Variants in MIB1 observed in about 807,000 individuals in gnomAD.
MIB1 encodes E3 ubiquitin-protein ligase MIB1.
A neutral mutation model predicts 124.5 loss-of-function variants in MIB1; 278 were observed. That is an observed-to-expected ratio of 2.23 (90% CI 2.02 to 2.47). The LOEUF is 2.47. MIB1 is among the 30% of genes most tolerant of loss of function. The pLI is 0.00. For missense variants in MIB1, 957 were observed against 1,254.4 expected (o/e 0.76, Z 3.58); for synonymous variants, 446 against 429.4 (o/e 1.04, Z -0.48).
chr18:21,786,826 T>A (rs879371368), intron 6 of MIB1, among the ~76,000 whole-genome samples: 17 of 152,238 alleles, frequency 1.1e-4, no homozygotes, highest in Non-Finnish European at 1.8e-4. Context: ...ATTTCTCTGA[T>A]AAATTCCTGA....
At chr18:21,787,934 G>A (rs556098865) in intron 6 of MIB1, among the ~76,000 whole-genome samples, 53 of 152,074 alleles carry the variant, frequency 3.5e-4, no homozygotes, top group African/African-American at 1.3e-3. Context: ...TAAGTAAAAT[G>A]CCTGCTCCTC....
chr18:21,779,585 G>A lies in MIB1; in HGVS notation c.808G>A (p.Gly270Arg). The change falls in exon 6 of 21, where the codon GGA (glycine) becomes AGA (arginine). Residue 270 changes from glycine (G) to arginine (R), a missense_variant. Transcript: ENST00000261537. Reference sequence around the variant, plus strand: ...ACAGTCTTTGCAGCATGGTCATGGAGGATGGACTGATGGAATGTTTGAGAC... The same window carrying A: ...ACAGTCTTTGCAGCATGGTCATGGAAGATGGACTGATGGAATGTTTGAGAC... The part of the protein sequence containing the change: ...IVQSLQHGHG[G>R]WTDGMFETLT... 1.9e-6 allele frequency: 3 copies of A among 1,614,038 alleles called. No homozygotes were observed. The highest frequency in any genetic ancestry group is 2.5e-6 in the Non-Finnish European group (3 of 1,179,942).
At chr18:21,848,378 C>T (rs138706564) in intron 16 of MIB1, among the ~76,000 whole-genome samples, 12 of 148,312 alleles carry the variant, frequency 8.1e-5, no homozygotes, top group South Asian at 2.2e-4. Context: ...AACCGGGAGG[C>T]GGAGGTTGCA....
chr18:21,797,687 T>C (rs1453680646), intron 7 of MIB1, among the ~76,000 whole-genome samples: 2 of 152,218 alleles, frequency 1.3e-5, no homozygotes, highest in Non-Finnish European at 2.9e-5. Context: ...ATTAGTTTAT[T>C]TTTTTATTTT....
chr18:21,741,516 T>A lies in MIB1; in HGVS notation c.-68T>A, dbSNP rs2040850408. The stretch of plus-strand genomic sequence containing the variant: ...AGAGTCCGGCCCGGGCCCAACTCCC[T>A]CACGGGCCCCCCGGCGGCAGCGGCG... On this transcript the variant is annotated 5_prime_UTR_variant, in exon 1 of 21. Transcript: ENST00000261537. The surrounding 1 kb of genome is among the most constrained non-coding windows in gnomAD (Gnocchi z 5.4). 8.8e-7 allele frequency: 1 copy of A among 1,132,662 alleles called. No individual in the cohort carries two copies. Among genetic ancestry groups the A allele is most frequent in the Non-Finnish European group, 1.1e-6 (1 of 900,462 alleles). The allele number at this position is 1,132,662 out of a possible 1,614,324, so 70.2% of individuals were successfully genotyped here.
At chr18:21,813,040 C>A (rs1001122289) in intron 10 of MIB1, among the ~76,000 whole-genome samples, 1 of 151,824 alleles carries the variant, frequency 6.6e-6, no homozygotes, top group Non-Finnish European at 1.5e-5. Flanking sequence ...AAAAATTATT[C>A]TTATTTATTT....
intron 12 of MIB1, chr18:21,828,253 C>T (rs2041945062): frequency 1.3e-5 from 2 of 151,882 alleles, no homozygotes; most frequent in Non-Finnish European, 2.9e-5. Flanking sequence ...AAATTAATTT[C>T]TTTTAAATAT....
intron 3 of MIB1, 39 bp from the exon 4 acceptor site, chr18:21,773,585 C>A (rs1265885794): frequency 7.4e-7 from 1 of 1,352,922 alleles, no homozygotes; most frequent in Non-Finnish European, 1.0e-6. Context: ...TCTTCCCTCC[C>A]CTTTAAAAAA....
chr18:21,821,881 G>A (rs368651010), intron 12 of MIB1, among the ~76,000 whole-genome samples: 3 of 152,054 alleles, frequency 2.0e-5, no homozygotes, highest in Non-Finnish European at 4.4e-5. Flanking sequence ...GATTACAGGC[G>A]TGAGCCACCG....
At chr18:21,721,180 T>G (rs2040713960) in intron 1 of MIB1, among the ~76,000 whole-genome samples, 2 of 113,542 alleles carry the variant, frequency 1.8e-5, no homozygotes, top group African/African-American at 3.7e-5. Flanking sequence ...TTTTTTTTTT[T>G]TTTTTTTTTT....
chr18:21,807,670 G>A (rs2041723844), intron 10 of MIB1, among the ~76,000 whole-genome samples: 2 of 152,172 alleles, frequency 1.3e-5, no homozygotes, highest in Non-Finnish European at 2.9e-5. Context: ...AGCTAAGGAT[G>A]CTACTGAATG....
chr18:21,827,218 A>G (rs2041933644), intron 12 of MIB1: 1 of 152,112 alleles, frequency 6.6e-6, no homozygotes, highest in Non-Finnish European at 1.5e-5. Flanking sequence ...GTACTCAGTT[A>G]AAAATGAACA....
rs398032096 is a variant in MIB1, at chr18:21,860,098, C to CTTTTTTTTTTTTTTTTTTTTT, written c.2880+1459_2880+1479dup. Among the ~76,000 whole-genome samples, 10 of 26,460 alleles carry CTTTTTTTTTTTTTTTTTTTTT rather than the reference C, an allele frequency of 3.8e-4. 3 individuals are homozygous for CTTTTTTTTTTTTTTTTTTTTT. Among genetic ancestry groups the CTTTTTTTTTTTTTTTTTTTTT allele is most frequent in the African/African-American group, 4.9e-4 (4 of 8,210 alleles). The allele number at this position is 26,460 out of a possible 152,430, so 17.4% of individuals were successfully genotyped here. On this transcript the variant is annotated intron_variant, in intron 20 of 20. Transcript: ENST00000261537. ...GTGTTGGTTATGTTGTTCTTTATGT[C>CTTTTTTTTTTTTTTTTTTTTT]TTTTTTTTTTTTTTTTTTTTTTTTT...
intron 6 of MIB1, among the ~76,000 whole-genome samples, chr18:21,784,050 C>CTTT (rs1175848884): frequency 7.5e-6 from 1 of 132,734 alleles, no homozygotes; most frequent in African/African-American, 2.8e-5. Context: ...GCCTGTGTTG[C>CTTT]TTTTTTTTTT....
At position 21,819,501 on chromosome 18, in the gene MIB1, GA is replaced by G; in HGVS notation, c.1686del (p.Gly563ValfsTer9). The G allele has an allele frequency of 1.3e-6, 2 of 1,595,102 alleles. No homozygotes were observed. The highest frequency in any genetic ancestry group is 1.3e-5 in the African/African-American group (1 of 74,256). On this transcript the variant is annotated frameshift_variant, in exon 12 of 21. Transcript: ENST00000261537. LOFTEE classifies it high-confidence loss of function. ...AATTTCTTTAAACTTAAAGGATTCTGAAGGTGATACCCCTCTTCATGATGCA... is the reference window on the plus strand; with the variant it reads ...AATTTCTTTAAACTTAAAGGATTCTGAGGTGATACCCCTCTTCATGATGCA... ...FGCHPSLQDS[E>X]GDTPLHDAIS...
In MIB1 at chr18:21,764,217, A is replaced by G. The variant is rs1359984847; in HGVS notation, c.230-1555A>G. ...GTCCACTAGGTATCCCAGTTCTTTC[A>G]GGTGTTCGTTCCCTTCCTCCTTCCT... On this transcript the variant is annotated intron_variant, in intron 1 of 20. Transcript: ENST00000261537. 3.3e-5 allele frequency among the ~76,000 whole-genome samples: 5 copies of G among 152,008 alleles called. No individual in the cohort carries two copies. In the East Asian group the frequency reaches 9.7e-4, roughly 29 times the overall value.
intron 4 of MIB1, 120 bp downstream of exon 4, chr18:21,773,848 A>G (rs947193609): frequency 2.7e-5 from 16 of 586,826 alleles, no homozygotes; most frequent in Admixed American, 1.1e-4. Flanking sequence ...CGTTTTTACT[A>G]TGTTTCTCTA....
At chr18:21,715,908 G>T (rs527593221) in intron 1 of MIB1, among the ~76,000 whole-genome samples, 7 of 152,308 alleles carry the variant, frequency 4.6e-5, no homozygotes, top group Non-Finnish European at 1.0e-4. Flanking sequence ...TCCTGAGGAA[G>T]AAGAGAAATC....
intron 7 of MIB1, among the ~76,000 whole-genome samples, chr18:21,795,971 A>G (rs1006834204): frequency 2.6e-5 from 4 of 152,214 alleles, no homozygotes; most frequent in Non-Finnish European, 4.4e-5. Flanking sequence ...GATATAATAT[A>G]GAGGAGGTGA....
Sources: allele counts gnomAD v4.1 joint callset (sites outside exome capture counted in the v4.1 genomes callset), GRCh38; gene constraint gnomAD v4.1.1; non-coding constraint Gnocchi (gnomAD v3.1); transcripts MANE v1.5; gene names NCBI Gene and HGNC (gene_info 2026-07-23, HGNC 2026-07-21).